RBFOX1: variants seen among roughly 807,000 people sequenced by gnomAD.
The protein encoded by RBFOX1 is RNA binding fox-1 homolog 1.
In RBFOX1, 8 loss-of-function variants were observed where a neutral mutation model predicts 57.7. The observed-to-expected ratio is 0.14, with a 90% CI of 0.08 to 0.25. RBFOX1 has a LOEUF of 0.25. Ranked by LOEUF, RBFOX1 falls within the 10% of genes least tolerant of loss-of-function variation. The pLI, the probability that RBFOX1 is intolerant of heterozygous loss-of-function variation, is 1.00. For missense variants in RBFOX1, 611 were observed against 548.5 expected, an observed-to-expected ratio of 1.11 and a Z score of -1.14; for synonymous variants, 326 against 222.4, an observed-to-expected ratio of 1.47 and a Z score of -4.15.
chr16:5,423,932 C>G (rs2067433026), intron 1 of RBFOX1, among the ~76,000 whole-genome samples: 1 of 152,170 alleles, frequency 6.6e-6, no homozygotes. Context: ...CTCTGACAAC[C>G]TTGTGAGGTT....
intron 3 of RBFOX1, among the ~76,000 whole-genome samples, chr16:6,788,590 C>T (rs928322892): frequency 1.3e-5 from 2 of 151,992 alleles, no homozygotes; most frequent in Non-Finnish European, 2.9e-5. Flanking sequence ...ATTCTCCTGC[C>T]TCAGCCTCCC....
chr16:6,908,723 G>A (rs2070750622), intron 3 of RBFOX1, among the ~76,000 whole-genome samples: 1 of 152,132 alleles, frequency 6.6e-6, no homozygotes, highest in Admixed American at 6.5e-5. Context: ...AGAATGCCTT[G>A]TCCTCAATCC....
intron 2 of RBFOX1, among the ~76,000 whole-genome samples, chr16:6,477,376 T>C (rs1220657374): frequency 6.6e-6 from 1 of 152,226 alleles, no homozygotes; most frequent in African/African-American, 2.4e-5. Context: ...CAGGAACCTA[T>C]ATTGCATTAA....
chr16:5,296,095 C>T (rs2063661169), intron 1 of RBFOX1, among the ~76,000 whole-genome samples: 1 of 152,156 alleles, frequency 6.6e-6, no homozygotes, highest in Non-Finnish European at 1.5e-5. Flanking sequence ...TGAGCTTCTC[C>T]TGTGTTGTTC....
intron 2 of RBFOX1, among the ~76,000 whole-genome samples, chr16:6,439,421 G>A (rs937485443): frequency 6.6e-6 from 1 of 152,198 alleles, no homozygotes; most frequent in Non-Finnish European, 1.5e-5. Flanking sequence ...ACCCCGGGCT[G>A]TGCCTTAGCT....
chr16:7,216,362 C>T lies in RBFOX1; in HGVS notation c.27+164264C>T, dbSNP rs138062774. 7.5e-4 allele frequency among the ~76,000 whole-genome samples: 114 copies of T among 152,176 alleles called. 1 individual carries two copies. Among genetic ancestry groups the T allele is most frequent in the African/African-American group, 2.7e-3 (111 of 41,520 alleles). Reference sequence around the variant, plus strand: ...TTCCGTAAAATGGGAATAATAATGGCATCTACCCTAGACCGGGCGCAGTGG... The same window carrying T: ...TTCCGTAAAATGGGAATAATAATGGTATCTACCCTAGACCGGGCGCAGTGG... On this transcript the variant is annotated intron_variant, in intron 4 of 15. Coordinates refer to ENST00000550418, the MANE Select transcript of RBFOX1 (RefSeq NM_018723.4).
At chr16:7,085,301 GC>G in intron 4 of RBFOX1, among the ~76,000 whole-genome samples, 1 of 152,216 alleles carries the variant, frequency 6.6e-6, no homozygotes, top group Admixed American at 6.5e-5. Context: ...CTCAGCACCG[GC>G]TCATGGTTAT....
chr16:6,758,482 AC>A (rs1652645497), intron 3 of RBFOX1, among the ~76,000 whole-genome samples: 1 of 152,272 alleles, frequency 6.6e-6, no homozygotes, highest in East Asian at 1.9e-4. Flanking sequence ...GAGCCTTGGC[AC>A]TGATTAATTG....
rs149384657 is a variant in RBFOX1, at chr16:6,855,158, A to G, written c.-15-196899A>G. On this transcript the variant is annotated intron_variant, in intron 3 of 15. Coordinates refer to ENST00000550418, the MANE Select transcript of RBFOX1 (RefSeq NM_018723.4). ...CTGTAAATTCCGTGAGTGTGTAGCTATACGTGTTCTGGTGAGCATGATATC... is the reference window on the plus strand; with the variant it reads ...CTGTAAATTCCGTGAGTGTGTAGCTGTACGTGTTCTGGTGAGCATGATATC... Among the ~76,000 whole-genome samples the G allele has an allele frequency of 5.5e-3, 833 of 152,150 alleles. 15 individuals carry two copies. Among genetic ancestry groups the G allele is most frequent in the African/African-American group, 0.019 (795 of 41,510 alleles).
intron 4 of RBFOX1, among the ~76,000 whole-genome samples, chr16:7,502,599 G>GT (rs938329135): frequency 3.9e-5 from 6 of 151,960 alleles, no homozygotes; most frequent in Middle Eastern, 3.2e-3. Context: ...TGTTTGTTTT[G>GT]TTTTTTTAAT....
chr16:7,425,515 G>C (rs377034459), intron 4 of RBFOX1, among the ~76,000 whole-genome samples: 1 of 152,106 alleles, frequency 6.6e-6, no homozygotes, highest in Non-Finnish European at 1.5e-5. Flanking sequence ...ATCATGTTTC[G>C]ACTTTAAATA....
At chr16:6,361,442 AT>A (rs1568017720) in intron 2 of RBFOX1, among the ~76,000 whole-genome samples, 1 of 152,024 alleles carries the variant, frequency 6.6e-6, no homozygotes, top group Non-Finnish European at 1.5e-5. Context: ...AGCCTGGCCA[AT>A]ATGGTGACAC....
chr16:6,979,687 C>G (rs541766838), intron 3 of RBFOX1, among the ~76,000 whole-genome samples: 1 of 152,178 alleles, frequency 6.6e-6, no homozygotes, highest in Non-Finnish European at 1.5e-5. Context: ...AATAAATAAA[C>G]ATGTGAGGCG....
chr16:6,397,126 G>C (rs917328430), intron 2 of RBFOX1, among the ~76,000 whole-genome samples: 5 of 152,146 alleles, frequency 3.3e-5, no homozygotes, highest in African/African-American at 1.2e-4. Flanking sequence ...AGAAGATAAT[G>C]CATAAGTAAT....
intron 2 of RBFOX1, among the ~76,000 whole-genome samples, chr16:6,592,115 T>C (rs1198256276): frequency 6.6e-6 from 1 of 152,322 alleles, no homozygotes; most frequent in Non-Finnish European, 1.5e-5. Context: ...GGTAGGACGA[T>C]TGAGTCAGCC....
chr16:5,850,296 AG>A (rs1439639291), intron 3 of RBFOX1, among the ~76,000 whole-genome samples: 1 of 152,226 alleles, frequency 6.6e-6, no homozygotes, highest in African/African-American at 2.4e-5. Flanking sequence ...GAAAGGGAAA[AG>A]GTAAGATAAG....
rs558920802 is a variant in RBFOX1, at chr16:5,512,972, A to G, written c.258+45718A>G. On this transcript the variant is annotated intron_variant, in intron 2 of 2. Transcript: ENST00000585867. ...AGTTTGTCAACCAGGCAGGAGTGCA[A>G]TGGCGCCATCACAGCTCACTGCAAC... Among the ~76,000 whole-genome samples, 27 of 152,236 alleles carry G rather than the reference A, an allele frequency of 1.8e-4. No individual in the cohort carries two copies. The South Asian group carries it at 4.6e-3, about 26-fold the overall frequency.
Position 7,342,482 on chromosome 16 carries a change from G to C in RBFOX1, c.28-175665G>C, listed in dbSNP as rs183838195. ...TTGACAATCAGCTCATTGTACCAACGCCACAACTGATTGCCAGCAGTGTTG... is the reference window on the plus strand; with the variant it reads ...TTGACAATCAGCTCATTGTACCAACCCCACAACTGATTGCCAGCAGTGTTG... On this transcript the variant is annotated intron_variant, in intron 4 of 15. Transcript: ENST00000550418. Among the ~76,000 whole-genome samples the C allele has an allele frequency of 1.7e-3, 259 of 152,296 alleles. 1 individual carries two copies. The highest frequency in any genetic ancestry group is 5.9e-3 in the African/African-American group (245 of 41,564).
At chr16:5,878,105 G>T (rs2057662987) in intron 4 of RBFOX1, among the ~76,000 whole-genome samples, 2 of 152,178 alleles carry the variant, frequency 1.3e-5, no homozygotes, top group Admixed American at 6.5e-5. Context: ...ATAGCAAAGA[G>T]ATTGCTTTGG....
Sources: allele counts gnomAD v4.1 joint callset (sites outside exome capture counted in the v4.1 genomes callset), GRCh38; gene constraint gnomAD v4.1.1; transcripts MANE v1.5; gene names NCBI Gene and HGNC (gene_info 2026-07-23, HGNC 2026-07-21).